The following FN1 variants were observed in gnomAD, a reference collection of about 807,000 sequenced individuals.
The protein encoded by FN1 is fibronectin.
A neutral mutation model predicts 297.3 loss-of-function variants in FN1; 106 were observed. That is an observed-to-expected ratio of 0.36 (90% CI 0.30 to 0.42). The LOEUF (loss-of-function observed/expected upper bound fraction) is 0.42. Ranked by LOEUF, FN1 falls within the 10% of genes least tolerant of loss-of-function variation. The pLI is 1.00. For missense variants in FN1, 2,690 were observed against 3,124.9 expected, an observed-to-expected ratio of 0.86 and a Z score of 3.32; for synonymous variants, 1,149 against 1,152.6, an observed-to-expected ratio of 1.00 and a Z score of 0.06.
chr2:215,364,970 T>A lies in FN1; in HGVS notation c.7160A>T (p.Tyr2387Phe). ...TACGTGGTATGTCTTCCCATCATCA[T>A]AACACGTTGCCTCATCTGCATATAG... ...FKCDPHEATC[Y>F]DDGKTYHVGE... Residue 2387 changes from tyrosine to phenylalanine, a missense_variant, in exon 44 of 46, where the codon TAT becomes TTT. By Grantham distance (22) the Tyr-to-Phe change is conservative. Transcript: ENST00000354785. 6.3e-7 allele frequency: 1 copy of A among 1,575,056 alleles called. No individual in the cohort carries two copies. Among genetic ancestry groups the A allele is most frequent in the Non-Finnish European group, 8.6e-7 (1 of 1,158,642 alleles).
At chr2:215,368,090 A>T in intron 41 of FN1, 63 bp from the exon 42 acceptor site, 1 of 1,530,220 alleles carries the variant, frequency 6.5e-7, no homozygotes, top group East Asian at 2.3e-5. Flanking sequence ...GACCATAAGA[A>T]GAAAATCGAA....
At chr2:215,410,993 C>G (rs1453165927) in intron 13 of FN1, among the ~76,000 whole-genome samples, 1 of 152,090 alleles carries the variant, frequency 6.6e-6, no homozygotes, top group Admixed American at 6.6e-5. Context: ...GTTTCTTGTC[C>G]TGAAAAAACA....
intron 16 of FN1, 25 bp downstream of exon 16, chr2:215,408,273 T>A: frequency 6.2e-7 from 1 of 1,614,112 alleles, no homozygotes; most frequent in Non-Finnish European, 8.5e-7. Context: ...AAAGATTCTT[T>A]TAACACTATG....
intron 20 of FN1, among the ~76,000 whole-genome samples, chr2:215,403,076 T>C (rs1418072164): frequency 6.6e-6 from 1 of 152,160 alleles, no homozygotes; most frequent in Non-Finnish European, 1.5e-5. Context: ...TCCATTCTAA[T>C]TCACTGAAGG....
intron 5 of FN1, among the ~76,000 whole-genome samples, chr2:215,429,714 C>T: frequency 6.6e-6 from 1 of 152,298 alleles, no homozygotes; most frequent in Non-Finnish European, 1.5e-5. Context: ...TCCCTGACCC[C>T]CTAAGTACTC....
At chr2:215,403,505 A>G (rs900634896) in intron 20 of FN1, among the ~76,000 whole-genome samples, 7 of 152,216 alleles carry the variant, frequency 4.6e-5, no homozygotes, top group African/African-American at 1.7e-4. Context: ...ATATGCTGAA[A>G]AAGTACTTAT....
In FN1 at chr2:215,372,174, C is replaced by T. The variant is rs541876822; in HGVS notation, c.6449G>A (p.Arg2150Gln). The T allele has an allele frequency of 9.9e-6, 16 of 1,614,188 alleles. No individual in the cohort carries two copies. The highest frequency in any genetic ancestry group is 4.4e-5 in the South Asian group (4 of 91,082). The change falls in exon 40 of 46, where the codon CGG (arginine) becomes CAG (glutamine). Residue 2150 changes from arginine to glutamine, a missense_variant. By Grantham distance (43) the Arg-to-Gln change is conservative. Transcript: ENST00000354785. ...GGTGGCCGTTGTGGGCGGTGTGGTCCGCCTAAAACCATGTTCCTCAAAGAT... is the reference window on the plus strand; with the variant it reads ...GGTGGCCGTTGTGGGCGGTGTGGTCTGCCTAAAACCATGTTCCTCAAAGAT... Reference protein sequence around the residue: ...QMIFEEHGFRRTTPPTTATPI... With the variant: ...QMIFEEHGFRQTTPPTTATPI...
At chr2:215,405,118 G>A (rs991287006) in intron 19 of FN1, among the ~76,000 whole-genome samples, 1 of 152,178 alleles carries the variant, frequency 6.6e-6, no homozygotes, top group East Asian at 1.9e-4. Context: ...AGAAATAAAA[G>A]TTATTTTCAC....
At position 215,391,616 on chromosome 2, in the gene FN1, A is replaced by G. The variant is rs1262967928; in HGVS notation, c.4252+16T>C. The G allele has an allele frequency of 7.5e-6, 12 of 1,601,846 alleles. No homozygotes were observed. The highest frequency in any genetic ancestry group is 1.1e-5 in the South Asian group (1 of 90,828). The stretch of plus-strand genomic sequence containing the variant: ...CTAGGTTAATATTTATGGAACAGAT[A>G]CATTCAACTGCTTACTTGTTAAGAC... On this transcript the variant is annotated intron_variant, in intron 26 of 45. Transcript: ENST00000354785.
At chr2:215,434,215 CAG>C (rs1198824022) in intron 2 of FN1, among the ~76,000 whole-genome samples, 2 of 152,188 alleles carry the variant, frequency 1.3e-5, no homozygotes, top group African/African-American at 4.8e-5. Context: ...GCTTCTCTGA[CAG>C]AGTTGCTATA....
Position 215,407,230 on chromosome 2 carries a change from C to T in FN1, c.2610G>A (p.Leu870=). The T allele has an allele frequency of 6.2e-7, 1 of 1,613,908 alleles. No homozygotes were observed. Among genetic ancestry groups the T allele is most frequent in the Non-Finnish European group, 8.5e-7 (1 of 1,179,766 alleles). The change falls in exon 18 of 46, where the codon TTG becomes TTA. Residue 870 remains leucine (L), a synonymous_variant. Coordinates refer to ENST00000354785, the MANE Select transcript of FN1 (RefSeq NM_212482.4). ...ETANSVTLSD[L]QPGVQYNITI... ...TGATGTTATACTGAACACCAGGTTGCAAGTCACTGAGGGTGACGGAGTTTG... is the reference window on the plus strand; with the variant it reads ...TGATGTTATACTGAACACCAGGTTGTAAGTCACTGAGGGTGACGGAGTTTG...
rs10498037 is a variant in FN1 at position 215,365,493 on chromosome 2, G to C, written c.7144+12C>G. The C allele has an allele frequency of 0.068, 110,452 of 1,612,908 alleles. 4,259 individuals are homozygous for C. The highest frequency in any genetic ancestry group is 0.09 in the Middle Eastern group (543 of 6,054). On this transcript the variant is annotated intron_variant, in intron 43 of 45. Coordinates refer to ENST00000354785, the MANE Select transcript of FN1 (RefSeq NM_212482.4). ...CTTAATAAGGCACTAAAAATGATCTGTGATGACATACGAGGGTCACACTTG... is the reference window on the plus strand; with the variant it reads ...CTTAATAAGGCACTAAAAATGATCTCTGATGACATACGAGGGTCACACTTG...
intron 30 of FN1, 142 bp downstream of exon 30, chr2:215,383,878 T>C (rs886994062): frequency 4.5e-6 from 4 of 892,520 alleles, no homozygotes; most frequent in Non-Finnish European, 7.0e-6. Flanking sequence ...CAAAACTCTG[T>C]TCGCTGCAGG....
chr2:215,396,278 A>AT (rs2060304391), intron 23 of FN1, among the ~76,000 whole-genome samples: 1 of 152,128 alleles, frequency 6.6e-6, no homozygotes, highest in South Asian at 2.1e-4. Flanking sequence ...TTTGTTTAAG[A>AT]TTTTTCTCCA....
Position 215,409,704 on chromosome 2 carries a change from G to A in FN1, c.2158C>T (p.Pro720Ser), listed in dbSNP as rs746481468. The change falls in exon 15 of 46, where the codon CCT (proline) becomes TCT (serine). Residue 720 changes from proline (P) to serine (S), a missense_variant. By Grantham distance (74) the Pro-to-Ser change is moderately conservative (BLOSUM62 -1). This residue lies in a region of FN1 where 876 missense variants were observed against 1,058.1 expected (regional missense o/e 0.83). Transcript: ENST00000354785. ...TVTGETTPFS[P>S]LVATSESVTE... ...ACAGATTCAGAAGTGGCCACAAGAG[G>A]AGAAAAGGGAGTCGTCTCTCCTGTC... 11 of 1,614,002 alleles carry A rather than the reference G, an allele frequency of 6.8e-6. No homozygotes were observed. The highest frequency in any genetic ancestry group is 1.6e-4 in the Middle Eastern group (1 of 6,084).
Position 215,391,699 on chromosome 2 carries a change from A to G in FN1, c.4185T>C (p.Pro1395=), listed in dbSNP as rs1306723755. 1 of 1,614,150 alleles carries G rather than the reference A, an allele frequency of 6.2e-7. No homozygotes were observed. The highest frequency in any genetic ancestry group is 2.2e-5 in the East Asian group (1 of 44,880). The change falls in exon 26 of 46, where the codon CCT becomes CCC. Residue 1395 remains proline, a synonymous_variant. Transcript: ENST00000354785. Reference sequence around the variant, plus strand: ...CTGCAACATCTTCCTCATTTTTCACAGGTGAGTAACGCACCAGGAAGTTGG... The same window carrying G: ...CTGCAACATCTTCCTCATTTTTCACGGGTGAGTAACGCACCAGGAAGTTGG... The part of the protein sequence containing the change: ...DLTNFLVRYS[P]VKNEEDVAEL...
At chr2:215,369,512 G>A (rs1385572624) in intron 41 of FN1, among the ~76,000 whole-genome samples, 2 of 152,188 alleles carry the variant, frequency 1.3e-5, no homozygotes, top group Non-Finnish European at 2.9e-5. Context: ...GGCATAGACA[G>A]GACTTAGCAC....
chr2:215,367,671 A>G (rs961984761), intron 42 of FN1, 192 bp downstream of exon 42: 2 of 639,004 alleles, frequency 3.1e-6, no homozygotes, highest in African/African-American at 3.6e-5. Context: ...GAAATGAAGC[A>G]ATGTCCAACA....
At chr2:215,410,657 G>A (rs922060838) in intron 13 of FN1, among the ~76,000 whole-genome samples, 3 of 152,046 alleles carry the variant, frequency 2.0e-5, no homozygotes, top group Non-Finnish European at 4.4e-5. Flanking sequence ...AGAGGCGTGT[G>A]CCACCATGCC....
Sources: gnomAD v4.1 joint callset for allele counts (sites outside exome capture counted in the v4.1 genomes callset) on GRCh38, gnomAD v4.1.1 for gene constraint, gnomAD v4.1.1 regional missense constraint, MANE v1.5 for transcripts, NCBI Gene and HGNC (gene_info 2026-07-23, HGNC 2026-07-21) for gene names.